CYSLTR2: variants seen among roughly 807,000 people sequenced by gnomAD.
CYSLTR2 encodes G-protein coupled receptor GPCR21.
For synonymous variants in CYSLTR2, 179 were observed against 160.8 expected, an observed-to-expected ratio of 1.11 and a Z score of -0.86; for missense variants, 398 against 411.9, an observed-to-expected ratio of 0.97 and a Z score of 0.29.
rs146359809 is a variant in CYSLTR2 at position 48,681,820 on chromosome 13, C to T, written c.-265-9392C>T. 3.2e-3 allele frequency among the ~76,000 whole-genome samples: 481 copies of T among 152,274 alleles called. 4 individuals are homozygous for T. The highest frequency in any genetic ancestry group is 0.014 in the Middle Eastern group (4 of 294). ...CCTGTTGATCTTGAGATGGAACAAG[C>T]GGTGGTCTTCATGGTCAAAAAGTTA... On this transcript the variant is annotated intron_variant, in intron 1 of 4. Coordinates refer to ENST00000682523, the MANE Select transcript of CYSLTR2 (RefSeq NM_001308476.3).
chr13:48,683,496 T>C (rs1953813998), intron 1 of CYSLTR2, among the ~76,000 whole-genome samples: 1 of 152,244 alleles, frequency 6.6e-6, no homozygotes, highest in South Asian at 2.1e-4. Context: ...ATTGAGCTTT[T>C]TTTTCATATG....
At chr13:48,671,397 G>A (rs912711001) in intron 1 of CYSLTR2, among the ~76,000 whole-genome samples, 1 of 152,162 alleles carries the variant, frequency 6.6e-6, no homozygotes, top group African/African-American at 2.4e-5. Flanking sequence ...CATTCAGTAT[G>A]GTATTGGCTG....
chr13:48,683,828 C>T (rs1287606310), intron 1 of CYSLTR2, among the ~76,000 whole-genome samples: 4 of 152,114 alleles, frequency 2.6e-5, no homozygotes, highest in Non-Finnish European at 4.4e-5. Context: ...TAATTTTTAA[C>T]CCAGAATTCT....
At chr13:48,695,068 A>ATTTTTCTTT (rs1954136838) in intron 3 of CYSLTR2, among the ~76,000 whole-genome samples, 1 of 71,606 alleles carries the variant, frequency 1.4e-5, no homozygotes, top group African/African-American at 6.2e-5. Context: ...AGAACCTGGC[A>ATTTTTCTTT]TTTTTTTTTT....
intron 1 of CYSLTR2, among the ~76,000 whole-genome samples, chr13:48,684,726 A>T (rs1953853314): frequency 1.3e-5 from 2 of 152,162 alleles, no homozygotes; most frequent in South Asian, 4.1e-4. Flanking sequence ...GTACCTGTGA[A>T]AGTGGCCTTA....
At chr13:48,684,000 C>T (rs1442915158) in intron 1 of CYSLTR2, among the ~76,000 whole-genome samples, 1 of 152,188 alleles carries the variant, frequency 6.6e-6, no homozygotes, top group Non-Finnish European at 1.5e-5. Flanking sequence ...CTCATTGCCA[C>T]CTCAAACTCC....
intron 1 of CYSLTR2, among the ~76,000 whole-genome samples, chr13:48,688,806 G>T (rs1157055742): frequency 1.3e-5 from 2 of 152,058 alleles, no homozygotes; most frequent in Admixed American, 1.3e-4. Flanking sequence ...AGGTATTTCT[G>T]GTTCTAAATC....
At chr13:48,666,901 T>C (rs1324434485) in intron 1 of CYSLTR2, among the ~76,000 whole-genome samples, 3 of 152,238 alleles carry the variant, frequency 2.0e-5, no homozygotes, top group East Asian at 1.9e-4. Flanking sequence ...ATTTCATGTA[T>C]TTCCCTATGA....
intron 1 of CYSLTR2, among the ~76,000 whole-genome samples, chr13:48,668,052 G>A (rs1953312086): frequency 6.6e-6 from 1 of 152,130 alleles, no homozygotes; most frequent in Admixed American, 6.5e-5. Context: ...TGTTTACCAA[G>A]TTCCCTCAAA....
At chr13:48,679,383 T>C (rs9595960) in intron 1 of CYSLTR2, among the ~76,000 whole-genome samples, 81,053 of 151,878 alleles carry the variant, frequency 0.53, 21,875 homozygotes, top group African/African-American at 0.62. Flanking sequence ...CCAGAGGTTC[T>C]TTTTGGTCTA....
chr13:48,695,645 C>T (rs1306042186), intron 3 of CYSLTR2, among the ~76,000 whole-genome samples: 3 of 151,290 alleles, frequency 2.0e-5, no homozygotes, highest in African/African-American at 4.9e-5. Flanking sequence ...ATAATTTTGT[C>T]ATTCAAGGAT....
Position 48,707,230 on chromosome 13 carries a change from T to G in CYSLTR2, c.413T>G (p.Leu138Arg). The G allele has an allele frequency of 6.2e-7, 1 of 1,614,172 alleles. No homozygotes were observed. The highest frequency in any genetic ancestry group is 1.1e-5 in the South Asian group (1 of 91,082). ...ACCGTGCTGAGTGTTGTGCGTTTCC[T>G]GGCAATGGTTCACCCCTTTCGGCTT... ...FLTVLSVVRF[L>R]AMVHPFRLLH... The change falls in exon 5 of 5, where the codon CTG (leucine) becomes CGG (arginine). Residue 138 changes from leucine (L) to arginine (R), a missense_variant. Transcript: ENST00000682523.
At chr13:48,702,846 A>G (rs1207817891) in intron 4 of CYSLTR2, among the ~76,000 whole-genome samples, 1 of 152,206 alleles carries the variant, frequency 6.6e-6, no homozygotes, top group African/African-American at 2.4e-5. Flanking sequence ...CAAGGATTTT[A>G]CTGGGAATTT....
At chr13:48,703,201 G>A (rs927014265) in intron 4 of CYSLTR2, among the ~76,000 whole-genome samples, 1 of 152,026 alleles carries the variant, frequency 6.6e-6, no homozygotes, top group Non-Finnish European at 1.5e-5. Flanking sequence ...GTGTGTGCAC[G>A]TATGTGTATG....
chr13:48,659,083 G>A (rs1593926221), intron 1 of CYSLTR2, among the ~76,000 whole-genome samples: 1 of 151,960 alleles, frequency 6.6e-6, no homozygotes, highest in Non-Finnish European at 1.5e-5. Flanking sequence ...AGTTGATGGA[G>A]GCTGCTGGGT....
At position 48,667,250 on chromosome 13, in the gene CYSLTR2, C is replaced by A. The variant is rs61950974; in HGVS notation, c.-266+13233C>A. Among the ~76,000 whole-genome samples the A allele has an allele frequency of 8.9e-3, 1,349 of 152,272 alleles. 8 individuals are homozygous for A. The highest frequency in any genetic ancestry group is 0.037 in the South Asian group (179 of 4,816). On this transcript the variant is annotated intron_variant, in intron 1 of 4. Coordinates refer to ENST00000682523, the MANE Select transcript of CYSLTR2 (RefSeq NM_001308476.3). Reference sequence around the variant, plus strand: ...GATAGCCAGATGTGGGCTTCCTGGGCTGTTTCTCAGGTAAAGGGAATGTGT... The same window carrying A: ...GATAGCCAGATGTGGGCTTCCTGGGATGTTTCTCAGGTAAAGGGAATGTGT...
At chr13:48,705,846 G>A (rs1954467705) in intron 4 of CYSLTR2, among the ~76,000 whole-genome samples, 1 of 151,536 alleles carries the variant, frequency 6.6e-6, no homozygotes, top group East Asian at 1.9e-4. Context: ...TAAAAGGGAA[G>A]GACAGCCTAT....
chr13:48,707,862 G>A lies in CYSLTR2; in HGVS notation c.*4G>A, dbSNP rs1316044104. ...GAGAAAGGAAACAAGAGTATAAGGA[G>A]CTCTTAGATGAGACCTGTTCTTGTA... On this transcript the variant is annotated 3_prime_UTR_variant, in exon 5 of 5. Coordinates refer to ENST00000682523, the MANE Select transcript of CYSLTR2 (RefSeq NM_001308476.3). The A allele has an allele frequency of 6.6e-7, 1 of 1,512,854 alleles. No homozygotes were observed. Among genetic ancestry groups the A allele is most frequent in the Non-Finnish European group, 8.8e-7 (1 of 1,131,796 alleles). The allele number at this position is 1,512,854 out of a possible 1,614,324, so 93.7% of individuals were successfully genotyped here.
At chr13:48,662,049 A>G (rs1223382050) in intron 1 of CYSLTR2, among the ~76,000 whole-genome samples, 1 of 152,008 alleles carries the variant, frequency 6.6e-6, no homozygotes, top group Non-Finnish European at 1.5e-5. Context: ...TTTTACTTCT[A>G]TGAGATCAAC....
Sources: gnomAD v4.1 joint callset for allele counts (sites outside exome capture counted in the v4.1 genomes callset) on GRCh38, gnomAD v4.1.1 for gene constraint, MANE v1.5 for transcripts, NCBI Gene and HGNC (gene_info 2026-07-23, HGNC 2026-07-21) for gene names.